The following EPS8 variants were observed in gnomAD, a reference collection of about 807,000 sequenced individuals.
EPS8 encodes the protein EGFR pathway substrate 8, signaling adaptor.
In EPS8, 42 loss-of-function variants were observed where a neutral mutation model predicts 103.8. That is an observed-to-expected ratio of 0.40 (90% confidence interval 0.32 to 0.52). The LOEUF (loss-of-function observed/expected upper bound fraction) is 0.52, where lower values mean the gene tolerates loss of function less well. Ranked by LOEUF, EPS8 falls within the 20% of genes least tolerant of loss-of-function variation. The pLI is 0.40. For synonymous variants in EPS8, 344 were observed against 344.6 expected, an observed-to-expected ratio of 1.00 and a Z score of 0.02; for missense variants, 969 against 1,005.1, an observed-to-expected ratio of 0.96 and a Z score of 0.49.
chr12:15,747,155 A>G lies in EPS8; in HGVS notation c.-22+42006T>C, dbSNP rs956387745. The stretch of plus-strand genomic sequence containing the variant: ...AGCCAACCTAGTAACCCTCAATAAT[A>G]TATCCTATTTTTCTTGCTAGAGATT... On this transcript the variant is annotated intron_variant, in intron 1 of 20. Transcript: ENST00000281172. The surrounding 1 kb of genome is among the most constrained non-coding windows in gnomAD (Gnocchi z 4.4). Among the ~76,000 whole-genome samples the G allele has an allele frequency of 1.3e-5, 2 of 152,186 alleles. No homozygotes were observed. Among genetic ancestry groups the G allele is most frequent in the Non-Finnish European group, 2.9e-5 (2 of 68,034 alleles).
chr12:15,775,916 A>C (rs1468161040), intron 1 of EPS8, among the ~76,000 whole-genome samples: 1 of 152,194 alleles, frequency 6.6e-6, no homozygotes, highest in Non-Finnish European at 1.5e-5. Flanking sequence ...GGTTACATTA[A>C]GCCAATGGGC....
chr12:15,665,865 T>A lies in EPS8; in HGVS notation c.627A>T (p.Ile209=), dbSNP rs1431757048. 2 of 1,613,920 alleles carry A rather than the reference T, an allele frequency of 1.2e-6. No homozygotes were observed. Among genetic ancestry groups the A allele is most frequent in the Admixed American group, 3.3e-5 (2 of 59,978 alleles). Residue 209 remains isoleucine (I), a synonymous_variant, in exon 8 of 21, where the codon ATA becomes ATT. Coordinates refer to ENST00000281172, the MANE Select transcript of EPS8 (RefSeq NM_004447.6). ...GGGCAGGAGCTCTGGGTGGAGGCGG[T>A]ATACTAGGGTCTGCATTGGAAATCA... ...LRMISNADPS[I]PPPPRAPAPA...
chr12:15,746,884 C>T (rs1215233157), intron 1 of EPS8, among the ~76,000 whole-genome samples: 1 of 152,140 alleles, frequency 6.6e-6, no homozygotes, highest in Non-Finnish European at 1.5e-5. Context: ...TTGCATGCTC[C>T]TGAATTATGT....
At chr12:15,743,748 T>C (rs866825521) in intron 1 of EPS8, among the ~76,000 whole-genome samples, 1 of 152,158 alleles carries the variant, frequency 6.6e-6, no homozygotes, top group Non-Finnish European at 1.5e-5. Context: ...TTACACCTTA[T>C]ACAAAATTAA....
At chr12:15,658,448 A>C in intron 11 of EPS8, 49 bp downstream of exon 11, 1 of 1,225,208 alleles carries the variant, frequency 8.2e-7, no homozygotes, top group African/African-American at 1.5e-5. Context: ...CTAGATTTTC[A>C]CCTTTTCCAT....
intron 3 of EPS8, among the ~76,000 whole-genome samples, chr12:15,674,405 T>G (rs899038268): frequency 6.6e-6 from 1 of 152,074 alleles, no homozygotes; most frequent in East Asian, 1.9e-4. Flanking sequence ...TCAACCACAG[T>G]AAGGGAGAAT....
chr12:15,781,199 C>G lies in EPS8; in HGVS notation c.-22+7962G>C, dbSNP rs1488776798. Among the ~76,000 whole-genome samples the G allele has an allele frequency of 6.6e-6, 1 of 152,184 alleles. No homozygotes were observed. The highest frequency in any genetic ancestry group is 1.5e-5 in the Non-Finnish European group (1 of 68,010). On this transcript the variant is annotated intron_variant, in intron 1 of 20. Transcript: ENST00000281172. The surrounding 1 kb of genome is among the most constrained non-coding windows in gnomAD (Gnocchi z 4.1). ...GGTCAGTAGGATACAGATGAGTCAA[C>G]AGAAAACAAAGCTAGAAGAATCTTT... is the stretch of plus-strand genomic sequence containing the variant.
intron 8 of EPS8, chr12:15,662,325 T>C: frequency 7.8e-7 from 1 of 1,280,750 alleles, no homozygotes. Context: ...AACTTTATGA[T>C]GTTAATTTAC....
chr12:15,685,616 T>C (rs1211719777), intron 1 of EPS8, among the ~76,000 whole-genome samples: 1 of 152,200 alleles, frequency 6.6e-6, no homozygotes, highest in Non-Finnish European at 1.5e-5. Context: ...GGATAGAAAA[T>C]GGCAATTTGC....
At chr12:15,646,379 G>A (rs1233945944) in intron 15 of EPS8, among the ~76,000 whole-genome samples, 2 of 152,076 alleles carry the variant, frequency 1.3e-5, no homozygotes, top group Non-Finnish European at 2.9e-5. Context: ...GTACTAGGCC[G>A]AGTTCTCTAT....
At chr12:15,674,871 G>A (rs1409324795) in intron 3 of EPS8, among the ~76,000 whole-genome samples, 1 of 151,758 alleles carries the variant, frequency 6.6e-6, no homozygotes, top group Non-Finnish European at 1.5e-5. Context: ...AGATTTCAAT[G>A]TTTTCTTTAA....
At chr12:15,661,741 C>A (rs751628009) in intron 9 of EPS8, among the ~76,000 whole-genome samples, 1 of 151,980 alleles carries the variant, frequency 6.6e-6, no homozygotes, top group Non-Finnish European at 1.5e-5. Context: ...AAAATTGTAC[C>A]ATTCCTGAAA....
chr12:15,727,689 C>G lies in EPS8; in HGVS notation c.-21-44717G>C, dbSNP rs1307963171. The stretch of plus-strand genomic sequence containing the variant: ...CCTGACCAACACGGTGAAACCCCGT[C>G]TCTACTAAAAATACAAAAATTAGCC... On this transcript the variant is annotated intron_variant, in intron 1 of 20. Transcript: ENST00000281172. The surrounding 1 kb of genome is among the most constrained non-coding windows in gnomAD (Gnocchi z 4.3). Among the ~76,000 whole-genome samples, 4 of 152,108 alleles carry G rather than the reference C, an allele frequency of 2.6e-5. No homozygotes were observed. The highest frequency in any genetic ancestry group is 1.9e-4 in the East Asian group (1 of 5,172).
intron 14 of EPS8, among the ~76,000 whole-genome samples, chr12:15,647,635 C>A (rs1565477896): frequency 6.6e-6 from 1 of 152,168 alleles, no homozygotes; most frequent in African/African-American, 2.4e-5. Context: ...AAAATAGCAG[C>A]ACTATTATCA....
At chr12:15,660,567 A>G in intron 10 of EPS8, 47 bp downstream of exon 10, 2 of 935,346 alleles carry the variant, frequency 2.1e-6, no homozygotes, top group Non-Finnish European at 3.6e-6. Flanking sequence ...CCCAGCCAGT[A>G]CTGGAGATCT....
chr12:15,762,756 G>A lies in EPS8; in HGVS notation c.-22+26405C>T, dbSNP rs1458251630. On this transcript the variant is annotated intron_variant, in intron 1 of 20. Transcript: ENST00000281172. The surrounding 1 kb of genome is among the most constrained non-coding windows in gnomAD (Gnocchi z 4.8). ...AACTCATGGAGAGAGAGTATAGAAG[G>A]ATGGTTACCAGAGGCTGGGAAGGTG... Among the ~76,000 whole-genome samples the A allele has an allele frequency of 6.6e-6, 1 of 152,108 alleles. No individual in the cohort carries two copies. The highest frequency in any genetic ancestry group is 2.4e-5 in the African/African-American group (1 of 41,438).
At chr12:15,775,257 A>G (rs752036194) in intron 1 of EPS8, among the ~76,000 whole-genome samples, 4 of 152,318 alleles carry the variant, frequency 2.6e-5, no homozygotes, top group Non-Finnish European at 4.4e-5. Flanking sequence ...AAGGTGTTAC[A>G]TATGAATTCA....
intron 15 of EPS8, among the ~76,000 whole-genome samples, chr12:15,644,847 C>T (rs1275391400): frequency 6.6e-6 from 1 of 152,004 alleles, no homozygotes; most frequent in Non-Finnish European, 1.5e-5. Context: ...TTATATCAGA[C>T]CACAATTTTC....
Position 15,659,853 on chromosome 12 carries a change from C to T in EPS8, c.937+761G>A, listed in dbSNP as rs77282725. On this transcript the variant is annotated intron_variant, in intron 10 of 20. Transcript: ENST00000281172. ...GTCTGTATGTGACTTTGTATGTGAC[C>T]TGAATGTACCGTTTAAAGTTTTGTG... 9.6e-3 allele frequency among the ~76,000 whole-genome samples: 1,454 copies of T among 152,192 alleles called. 23 individuals carry two copies. The highest frequency in any genetic ancestry group is 0.033 in the African/African-American group (1,372 of 41,524).
Sources: gnomAD v4.1 joint callset for allele counts (sites outside exome capture counted in the v4.1 genomes callset) on GRCh38, gnomAD v4.1.1 for gene constraint, Gnocchi (gnomAD v3.1) non-coding constraint, MANE v1.5 for transcripts, NCBI Gene and HGNC (gene_info 2026-07-23, HGNC 2026-07-21) for gene names.